Variants in CERS3 observed in about 807,000 individuals in gnomAD.
CERS3 encodes LAG1 homolog, ceramide synthase 3.
A neutral mutation model predicts 50.3 loss-of-function variants in CERS3; 33 were observed. That is an observed-to-expected ratio of 0.66 (90% CI 0.50 to 0.88). The LOEUF is 0.88. Ranked by LOEUF, CERS3 falls within the 40% of genes least tolerant of loss-of-function variation. The pLI is 0.00. For synonymous variants in CERS3, 176 were observed against 155.2 expected, an observed-to-expected ratio of 1.13 and a Z score of -0.99; for missense variants, 470 against 460.3, an observed-to-expected ratio of 1.02 and a Z score of -0.19.
At chr15:100,500,127 CA>C (rs2035953823) in intron 3 of CERS3, 1 of 152,140 alleles carries the variant, frequency 6.6e-6, no homozygotes, top group African/African-American at 2.4e-5. Flanking sequence ...ACTTATACTT[CA>C]AAAAGTATGA....
chr15:100,479,519 A>T (rs1044716435), intron 6 of CERS3, 41 bp from the exon 7 acceptor site: 1 of 1,537,730 alleles, frequency 6.5e-7, no homozygotes, highest in African/African-American at 1.4e-5. Context: ...GATGAGAAAT[A>T]AATTGGTCGG....
intron 3 of CERS3, among the ~76,000 whole-genome samples, chr15:100,495,313 C>T (rs1239985540): frequency 6.6e-6 from 1 of 152,208 alleles, no homozygotes; most frequent in African/African-American, 2.4e-5. Flanking sequence ...TGTCACACAG[C>T]TTGCTATTCC....
intron 11 of CERS3, among the ~76,000 whole-genome samples, chr15:100,446,957 C>T (rs2033965820): frequency 6.6e-6 from 1 of 152,174 alleles, no homozygotes; most frequent in African/African-American, 2.4e-5. Context: ...TCCAGCCTGA[C>T]TCTAGTATAA....
intron 3 of CERS3, among the ~76,000 whole-genome samples, chr15:100,493,828 T>C (rs1020917266): frequency 6.6e-6 from 1 of 152,164 alleles, no homozygotes; most frequent in Non-Finnish European, 1.5e-5. Context: ...GAACTTCTAT[T>C]TGGTTCTTTG....
chr15:100,433,679 G>T (rs1230346088), intron 11 of CERS3, among the ~76,000 whole-genome samples: 3 of 152,166 alleles, frequency 2.0e-5, no homozygotes, highest in Non-Finnish European at 4.4e-5. Context: ...GAAGCCCAGG[G>T]TATCCCCAGA....
chr15:100,528,122 C>T lies in CERS3; in HGVS notation c.-92+691G>A, dbSNP rs553069721. Among the ~76,000 whole-genome samples the T allele has an allele frequency of 2.0e-5, 3 of 152,334 alleles. No homozygotes were observed. In the South Asian group the frequency reaches 6.2e-4, roughly 32 times the overall value. On this transcript the variant is annotated intron_variant, in intron 1 of 11. Transcript: ENST00000679737. Reference sequence around the variant, plus strand: ...TAAAGGTTTCAAAAAAATAAAAATGCTTAACAGAACATTCTTGCTAAACAT... The same window carrying T: ...TAAAGGTTTCAAAAAAATAAAAATGTTTAACAGAACATTCTTGCTAAACAT...
chr15:100,418,212 T>G (rs2032116566), intron 11 of CERS3, among the ~76,000 whole-genome samples: 1 of 151,976 alleles, frequency 6.6e-6, no homozygotes, highest in South Asian at 2.1e-4. Flanking sequence ...GTAACTAGAA[T>G]AACCAATACA....
At chr15:100,441,649 G>A (rs145680246) in intron 11 of CERS3, among the ~76,000 whole-genome samples, 35 of 152,100 alleles carry the variant, frequency 2.3e-4, no homozygotes, top group African/African-American at 4.6e-4. Context: ...CTGCAATGCC[G>A]CTTGACCCCA....
intron 11 of CERS3, among the ~76,000 whole-genome samples, chr15:100,443,550 T>G (rs1429501584): frequency 6.7e-6 from 1 of 149,906 alleles, no homozygotes; most frequent in African/African-American, 2.5e-5. Flanking sequence ...AAACATGCTT[T>G]CTTTACTATT....
chr15:100,520,774 G>A (rs1161436031), intron 2 of CERS3, among the ~76,000 whole-genome samples: 9 of 152,170 alleles, frequency 5.9e-5, no homozygotes, highest in Non-Finnish European at 1.0e-4. Flanking sequence ...CCCACTAGGA[G>A]TGGGCAGGGT....
intron 3 of CERS3, among the ~76,000 whole-genome samples, chr15:100,498,649 C>A (rs150391646): frequency 8.5e-5 from 13 of 152,292 alleles, no homozygotes; most frequent in East Asian, 3.9e-4. Flanking sequence ...GACGGCCCCC[C>A]CTTTGTCTAG....
chr15:100,521,613 T>A (rs2036641320), intron 2 of CERS3, 54 bp downstream of exon 2: 1 of 152,090 alleles, frequency 6.6e-6, no homozygotes, highest in Admixed American at 6.6e-5. Context: ...TTTCCCAAGA[T>A]TATAGTTAAG....
intron 2 of CERS3, 61 bp downstream of exon 2, chr15:100,521,606 C>T (rs891846564): frequency 5.3e-5 from 8 of 151,876 alleles, no homozygotes; most frequent in Non-Finnish European, 7.4e-5. Flanking sequence ...ATGTTAATTT[C>T]CCAAGATTAT....
At chr15:100,502,593 G>A (rs1005551266) in intron 2 of CERS3, among the ~76,000 whole-genome samples, 2 of 152,180 alleles carry the variant, frequency 1.3e-5, no homozygotes, top group African/African-American at 4.8e-5. Context: ...AATTCCCCAG[G>A]AAATAAGGGG....
intron 2 of CERS3, among the ~76,000 whole-genome samples, chr15:100,505,803 T>C (rs2036159487): frequency 6.6e-6 from 1 of 152,208 alleles, no homozygotes; most frequent in South Asian, 2.1e-4. Context: ...AGCCCAGGAA[T>C]TCAAGACCAG....
intron 1 of CERS3, among the ~76,000 whole-genome samples, chr15:100,534,750 T>A (rs2037030436): frequency 6.6e-6 from 1 of 151,404 alleles, no homozygotes; most frequent in Non-Finnish European, 1.5e-5. Flanking sequence ...CCCCAAGATT[T>A]ATTTTCCTTT....
At chr15:100,405,677 T>C (rs2030969788) in intron 11 of CERS3, among the ~76,000 whole-genome samples, 1 of 152,216 alleles carries the variant, frequency 6.6e-6, no homozygotes, top group Non-Finnish European at 1.5e-5. Context: ...AGGTAAGTGG[T>C]TGCTGGAACT....
At chr15:100,418,181 G>A (rs2032114108) in intron 11 of CERS3, among the ~76,000 whole-genome samples, 1 of 151,928 alleles carries the variant, frequency 6.6e-6, no homozygotes. Context: ...TGAAAACTTT[G>A]AAAAAAATTT....
rs56131548 is a variant in CERS3 at position 100,413,773 on chromosome 15, GAA to G, written c.1000-10910_1000-10909del. Among the ~76,000 whole-genome samples, 296 of 137,352 alleles carry G rather than the reference GAA, an allele frequency of 2.2e-3. 1 individual carries two copies. The highest frequency in any genetic ancestry group is 7.8e-3 in the African/African-American group (288 of 36,840). The allele number at this position is 137,352 out of a possible 152,430, so 90.1% of individuals were successfully genotyped here. A position where few individuals can be genotyped will look rare whatever the true frequency, so the allele number is the denominator to read the frequency against. On this transcript the variant is annotated intron_variant, in intron 11 of 11. Transcript: ENST00000679737. ...AACCACCAACCCCACAGAAATACAAGAAAAAAAAAAAAACCCTTACAGACTAT... is the reference window on the plus strand; with the variant it reads ...AACCACCAACCCCACAGAAATACAAGAAAAAAAAAAACCCTTACAGACTAT...
Sources: allele counts gnomAD v4.1 joint callset (sites outside exome capture counted in the v4.1 genomes callset), GRCh38; gene constraint gnomAD v4.1.1; transcripts MANE v1.5; gene names NCBI Gene and HGNC (gene_info 2026-07-23, HGNC 2026-07-21).